The following NARF variants were observed in gnomAD, a reference collection of about 807,000 sequenced individuals.
NARF encodes iron-only hydrogenase-like protein 2.
Under a neutral mutation model 48.0 loss-of-function variants are expected in NARF, and 41 were observed. That is an observed-to-expected ratio of 0.85 (90% CI 0.66 to 1.11). The LOEUF (loss-of-function observed/expected upper bound fraction) is 1.11. NARF is among the 50% of genes least tolerant of loss of function. The pLI, the probability that NARF is intolerant of heterozygous loss-of-function variation, is 0.00. For synonymous variants in NARF, 215 were observed against 225.5 expected (o/e 0.95, Z 0.42); for missense variants, 613 against 590.2 (o/e 1.04, Z -0.40).
At chr17:82,469,715 C>T (rs1168394029) in intron 4 of NARF, among the ~76,000 whole-genome samples, 2 of 152,126 alleles carry the variant, frequency 1.3e-5, no homozygotes, top group Admixed American at 1.3e-4. Flanking sequence ...AAGAGATTCT[C>T]CTGCCTCAGC....
At chr17:82,472,768 T>C in intron 5 of NARF, 70 bp downstream of exon 5, 9 of 1,546,938 alleles carry the variant, frequency 5.8e-6, no homozygotes, top group Non-Finnish European at 7.0e-6. Flanking sequence ...CTGCAGGCTC[T>C]AGATGAGGTT....
chr17:82,466,483 C>T (rs549778925), intron 3 of NARF, among the ~76,000 whole-genome samples: 1 of 152,078 alleles, frequency 6.6e-6, no homozygotes, highest in Non-Finnish European at 1.5e-5. Context: ...GATGGAGTCT[C>T]TCACTGTCTC....
chr17:82,481,041 C>G, intron 6 of NARF, 41 bp from the exon 7 acceptor site: 1 of 1,613,376 alleles, frequency 6.2e-7, no homozygotes, highest in African/African-American at 1.3e-5. Context: ...GCTGCCGTCA[C>G]CTCTTCACCA....
chr17:82,459,017 C>T lies in NARF; in HGVS notation c.27+187C>T, dbSNP rs1023270230. The T allele has an allele frequency of 4.1e-6, 5 of 1,209,456 alleles. 1 individual carries two copies. The Admixed American group carries it at 2.2e-4, about 53-fold the overall frequency. The allele number at this position is 1,209,456 out of a possible 1,614,324, so 74.9% of individuals were successfully genotyped here. On this transcript the variant is annotated intron_variant, in intron 1 of 10. Coordinates refer to ENST00000309794, the MANE Select transcript of NARF (RefSeq NM_012336.4). Reference sequence around the variant, plus strand: ...GCGGGGTCCGCTGCGCTCTGCAGGGCGGGTTCGGTCTTCGCGGTTCTCCCT... The same window carrying T: ...GCGGGGTCCGCTGCGCTCTGCAGGGTGGGTTCGGTCTTCGCGGTTCTCCCT...
chr17:82,472,408 T>A (rs971491150), intron 4 of NARF, among the ~76,000 whole-genome samples, 156 bp from the exon 5 acceptor site: 31 of 150,092 alleles, frequency 2.1e-4, no homozygotes. Flanking sequence ...CACTTGAACC[T>A]GGGAGGCGGA....
rs1212821085 is a variant in NARF at position 82,472,563 on chromosome 17, G to A, written c.386-1G>A. 6.2e-7 allele frequency: 1 copy of A among 1,611,232 alleles called. No homozygotes were observed. The highest frequency in any genetic ancestry group is 8.5e-7 in the Non-Finnish European group (1 of 1,178,692). On this transcript the variant is annotated splice_acceptor_variant, in intron 4 of 10. Transcript: ENST00000309794. LOFTEE classifies it high-confidence loss of function. ...GCTGAATATGCTCCTCTCTCCTGCAGGGGTGCACTATGTATTTGATACGAC... is the reference window on the plus strand; with the variant it reads ...GCTGAATATGCTCCTCTCTCCTGCAAGGGTGCACTATGTATTTGATACGAC...
At chr17:82,461,669 T>G (rs2043442633) in intron 2 of NARF, among the ~76,000 whole-genome samples, 2 of 152,206 alleles carry the variant, frequency 1.3e-5, no homozygotes, top group Admixed American at 1.3e-4. Flanking sequence ...GAACATTACA[T>G]GTAAGCCTGG....
At chr17:82,487,794 C>CCCAAAAAA in intron 10 of NARF, 122 bp from the exon 11 acceptor site, 1 of 503,424 alleles carries the variant, frequency 2.0e-6, no homozygotes, top group Non-Finnish European at 3.5e-6. Context: ...CGCCCAATCT[C>CCCAAAAAA]TACAAAAAAT....
rs543604711 is a variant in NARF at position 82,489,048 on chromosome 17, C to T, written c.*891C>T. 4.8e-4 allele frequency: 74 copies of T among 153,158 alleles called. No individual in the cohort carries two copies. Among genetic ancestry groups the T allele is most frequent in the Non-Finnish European group, 6.3e-4 (43 of 68,414 alleles). The allele number at this position is 153,158 out of a possible 1,614,324, so 9.5% of individuals were successfully genotyped here. A position where few individuals can be genotyped will look rare whatever the true frequency, so the allele number is the denominator to read the frequency against. ...TTAATAACTGTCAGCCTTTTAGAAT[C>T]AGGAGACTTACGTACAAATCTGGAT... is the stretch of plus-strand genomic sequence containing the variant. On this transcript the variant is annotated 3_prime_UTR_variant, in exon 11 of 11. Transcript: ENST00000309794.
rs552511144 is a variant in NARF at position 82,472,585 on chromosome 17, C to T, written c.407C>T (p.Thr136Met). 15 of 1,612,622 alleles carry T rather than the reference C, an allele frequency of 9.3e-6. No individual in the cohort carries two copies. Among genetic ancestry groups the T allele is most frequent in the African/African-American group, 4.0e-5 (3 of 74,834 alleles). ...GCAGGGGTGCACTATGTATTTGATA[C>T]GACGATAGCTGCGGATTTTAGTATC... The part of the protein sequence containing the change: ...KSLGVHYVFD[T>M]TIAADFSILE... Residue 136 changes from threonine to methionine, a missense_variant, in exon 5 of 11, where the codon ACG becomes ATG. Coordinates refer to ENST00000309794, the MANE Select transcript of NARF (RefSeq NM_012336.4).
In NARF at chr17:82,468,890, A is replaced by G; in HGVS notation, c.379A>G (p.Ser127Gly). ...ASRRLCGFLKSLGVHYVFDTT... is the reference protein window; with the variant it reads ...ASRRLCGFLKGLGVHYVFDTT... ...CAGAAGACTCTGTGGTTTCCTCAAA[A>G]GTCTTGGTGAGTCATCTTTTGATAA... The change falls in exon 4 of 11, where the codon AGT (serine) becomes GGT (glycine). Residue 127 changes from serine (S) to glycine (G), a missense_variant. Transcript: ENST00000309794. 1.2e-6 allele frequency: 2 copies of G among 1,612,948 alleles called. No homozygotes were observed. The highest frequency in any genetic ancestry group is 1.7e-6 in the Non-Finnish European group (2 of 1,179,666).
chr17:82,481,102 T>G lies in NARF; in HGVS notation c.660T>G (p.Ile220Met). The G allele has an allele frequency of 1.2e-6, 2 of 1,614,056 alleles. No homozygotes were observed. Among genetic ancestry groups the G allele is most frequent in the Non-Finnish European group, 1.7e-6 (2 of 1,179,994 alleles). Residue 220 changes from isoleucine to methionine, a missense_variant, in exon 7 of 11, where the codon ATT (isoleucine) becomes ATG (methionine). Ile to Met is a conservative substitution (Grantham distance 10, BLOSUM62 1). Coordinates refer to ENST00000309794, the MANE Select transcript of NARF (RefSeq NM_012336.4). ...ARQQNLSPEK[I>M]FHVIVAPCYD... ...CACAGAACCTGTCTCCAGAGAAGAT[T>G]TTCCACGTCATTGTGGCCCCTTGTT...
chr17:82,487,821 C>G, intron 10 of NARF, 95 bp from the exon 11 acceptor site: 5 of 1,002,266 alleles, frequency 5.0e-6, no homozygotes, highest in Admixed American at 2.4e-5. Flanking sequence ...ATCAGCCGGG[C>G]AAGGTGGTGT....
intron 4 of NARF, among the ~76,000 whole-genome samples, chr17:82,469,699 G>A (rs921678066): frequency 6.6e-6 from 1 of 152,062 alleles, no homozygotes; most frequent in Non-Finnish European, 1.5e-5. Flanking sequence ...TCCGCCTCCC[G>A]GGTTCAAGAG....
At chr17:82,473,677 C>T (rs1041935950) in intron 5 of NARF, among the ~76,000 whole-genome samples, 2 of 151,918 alleles carry the variant, frequency 1.3e-5, no homozygotes, top group Admixed American at 1.3e-4. Flanking sequence ...TATGCCTCAG[C>T]CTCCCCAGTA....
intron 2 of NARF, chr17:82,462,491 G>A (rs190357242): frequency 1.4e-3 from 221 of 152,734 alleles, no homozygotes; most frequent in Middle Eastern, 3.4e-3. Context: ...AGCCTAGGCA[G>A]AGGTGGTGGG....
In NARF at chr17:82,490,055, T is replaced by G. The variant is rs925738406; in HGVS notation, c.*1898T>G. 2 of 152,278 alleles carry G rather than the reference T, an allele frequency of 1.3e-5. No individual in the cohort carries two copies. The highest frequency in any genetic ancestry group is 2.9e-5 in the Non-Finnish European group (2 of 68,050). The allele number at this position is 152,278 out of a possible 1,614,324, so 9.4% of individuals were successfully genotyped here. A position where few individuals can be genotyped will look rare whatever the true frequency, so the allele number is the denominator to read the frequency against. On this transcript the variant is annotated 3_prime_UTR_variant, in exon 11 of 11. Transcript: ENST00000309794. ...ATCGGGCCGGTCAGGCTGGAATTTC[T>G]GACCTCAGGTGATCCAACCACCTCA...
intron 4 of NARF, among the ~76,000 whole-genome samples, chr17:82,470,439 A>G (rs185046583): frequency 1.3e-5 from 2 of 152,316 alleles, no homozygotes; most frequent in Non-Finnish European, 1.5e-5. Flanking sequence ...ATATCAATAA[A>G]ATGTATCCAC....
At chr17:82,470,211 C>G (rs568845646) in intron 4 of NARF, among the ~76,000 whole-genome samples, 2 of 152,296 alleles carry the variant, frequency 1.3e-5, no homozygotes, top group Admixed American at 1.3e-4. Flanking sequence ...CGCCTGGGCT[C>G]TAACAAGACC....
Sources: allele counts gnomAD v4.1 joint callset (sites outside exome capture counted in the v4.1 genomes callset), GRCh38; gene constraint gnomAD v4.1.1; transcripts MANE v1.5; gene names NCBI Gene and HGNC (gene_info 2026-07-23, HGNC 2026-07-21).